XRRA1: variants seen among roughly 807,000 people sequenced by gnomAD.
The protein encoded by XRRA1 is X-ray radiation resistance-associated protein 1.
Under a neutral mutation model 80.2 loss-of-function variants are expected in XRRA1, and 69 were observed. The observed-to-expected ratio is 0.86, with a 90% confidence interval of 0.71 to 1.05. The LOEUF is 1.05. Among genes scored for constraint, XRRA1 ranks in the 50% least tolerant of loss-of-function variants. XRRA1 has a pLI of 0.00. For synonymous variants in XRRA1, 348 were observed against 389.9 expected, an observed-to-expected ratio of 0.89 and a Z score of 1.27; for missense variants, 967 against 976.4, an observed-to-expected ratio of 0.99 and a Z score of 0.13.
chr11:74,882,124 C>G (rs2047787153), intron 10 of XRRA1, among the ~76,000 whole-genome samples: 1 of 152,092 alleles, frequency 6.6e-6, no homozygotes, highest in Non-Finnish European at 1.5e-5. Context: ...GTTCCATTCT[C>G]CCCATCACTT....
At chr11:74,900,580 C>A (rs1204043652) in intron 10 of XRRA1, among the ~76,000 whole-genome samples, 1 of 137,438 alleles carries the variant, frequency 7.3e-6, no homozygotes, top group Non-Finnish European at 1.6e-5. Context: ...GAAACTCCAT[C>A]TCAAGAAAAA....
intron 8 of XRRA1, among the ~76,000 whole-genome samples, chr11:74,907,988 T>C (rs2055013338): frequency 6.6e-6 from 1 of 152,174 alleles, no homozygotes; most frequent in Non-Finnish European, 1.5e-5. Context: ...TCCAGGTAGA[T>C]GAGACCTAGG....
chr11:74,859,015 A>G, intron 12 of XRRA1, 143 bp downstream of exon 12: 1 of 1,190,388 alleles, frequency 8.4e-7, no homozygotes, highest in East Asian at 3.1e-5. Flanking sequence ...AACTCCTTCC[A>G]CTTTCCCCAC....
chr11:74,946,412 G>T (rs1386257435), intron 1 of XRRA1, among the ~76,000 whole-genome samples: 1 of 152,194 alleles, frequency 6.6e-6, no homozygotes, highest in Non-Finnish European at 1.5e-5. Context: ...CATAGTGAGT[G>T]AGCTCTCACG....
intron 10 of XRRA1, among the ~76,000 whole-genome samples, chr11:74,900,749 TCAA>T (rs1235215635): frequency 1.3e-5 from 2 of 152,178 alleles, no homozygotes; most frequent in Non-Finnish European, 2.9e-5. Flanking sequence ...TTGATATAGT[TCAA>T]CATCCCTTCA....
chr11:74,859,071 T>C lies in XRRA1; in HGVS notation c.1170+87A>G, dbSNP rs1255006870. On this transcript the variant is annotated intron_variant, in intron 12 of 18. Coordinates refer to ENST00000684022, the MANE Select transcript of XRRA1 (RefSeq NM_001378157.1). ...TGTACCTGTAATGCAGGGAATTGAATGGAGGGTTGGTTTTTAGGCCAGAGC... is the reference window on the plus strand; with the variant it reads ...TGTACCTGTAATGCAGGGAATTGAACGGAGGGTTGGTTTTTAGGCCAGAGC... 7 of 1,441,938 alleles carry C rather than the reference T, an allele frequency of 4.9e-6. No individual in the cohort carries two copies. The East Asian group carries it at 1.6e-4, about 33-fold the overall frequency. 89.3% of individuals were successfully genotyped at this position (1,441,938 alleles called of 1,614,324 possible).
chr11:74,887,632 C>T (rs1044508918), intron 10 of XRRA1, among the ~76,000 whole-genome samples: 11 of 152,198 alleles, frequency 7.2e-5, no homozygotes, highest in Non-Finnish European at 1.5e-4. Context: ...GGCATTGCCT[C>T]ACCCAGGTAG....
chr11:74,882,006 G>GAGT (rs1269548298), intron 10 of XRRA1, among the ~76,000 whole-genome samples: 16 of 143,304 alleles, frequency 1.1e-4, no homozygotes. Context: ...TCTTCTCAAG[G>GAGT]AGTATCTTTG....
At chr11:74,939,382 C>T (rs529288371) in intron 3 of XRRA1, among the ~76,000 whole-genome samples, 118 of 152,162 alleles carry the variant, frequency 7.8e-4, no homozygotes, top group African/African-American at 2.7e-3. Flanking sequence ...TATTTTGTTT[C>T]CCCCCACATA....
intron 10 of XRRA1, among the ~76,000 whole-genome samples, chr11:74,881,286 C>T (rs940298480): frequency 2.0e-5 from 3 of 151,196 alleles, no homozygotes; most frequent in Non-Finnish European, 2.9e-5. Flanking sequence ...GATTGCAACC[C>T]CTGCCTTTTT....
chr11:74,939,246 G>T (rs1160823776), intron 3 of XRRA1, among the ~76,000 whole-genome samples: 2 of 152,192 alleles, frequency 1.3e-5, no homozygotes, highest in African/African-American at 4.8e-5. Flanking sequence ...CAACTACTCA[G>T]GAGGCTGGGG....
At chr11:74,857,380 CA>C (rs61112350) in intron 12 of XRRA1, among the ~76,000 whole-genome samples, 38,421 of 143,918 alleles carry the variant, frequency 0.27, 6,624 homozygotes, top group African/African-American at 0.5. Flanking sequence ...TGATTAGAGG[CA>C]AAAAAAAAAG....
intron 15 of XRRA1, chr11:74,846,059 G>A (rs1349071531): frequency 6.6e-6 from 1 of 152,118 alleles, no homozygotes; most frequent in Non-Finnish European, 1.5e-5. Flanking sequence ...CCTCCCAGGA[G>A]TGGGAGACCA....
chr11:74,842,111 G>A lies in XRRA1; in HGVS notation c.*1089C>T, dbSNP rs1477677123. ...CCCTCCTGCCTAGAAAATAGGTTGTGTATTGGTTTTATTCAACCTGCTGTC... is the reference window on the plus strand; with the variant it reads ...CCCTCCTGCCTAGAAAATAGGTTGTATATTGGTTTTATTCAACCTGCTGTC... On this transcript the variant is annotated 3_prime_UTR_variant, in exon 19 of 19. Coordinates refer to ENST00000684022, the MANE Select transcript of XRRA1 (RefSeq NM_001378157.1). 2.6e-5 allele frequency: 4 copies of A among 151,974 alleles called. No homozygotes were observed. The highest frequency in any genetic ancestry group is 9.7e-5 in the African/African-American group (4 of 41,356). The allele number at this position is 151,974 out of a possible 1,614,324, so 9.4% of individuals were successfully genotyped here.
At position 74,906,244 on chromosome 11, in the gene XRRA1, C is replaced by T. The variant is rs757044769; in HGVS notation, c.998G>A (p.Arg333Gln). 30 of 1,613,376 alleles carry T rather than the reference C, an allele frequency of 1.9e-5. No homozygotes were observed. In the East Asian group the frequency reaches 5.6e-4, roughly 30 times the overall value. Residue 333 changes from arginine to glutamine, a missense_variant, in exon 10 of 19, where the codon CGG becomes CAG. Physicochemically the swap from Arg to Gln is conservative, Grantham distance 43. Coordinates refer to ENST00000684022, the MANE Select transcript of XRRA1 (RefSeq NM_001378157.1). The part of the protein sequence containing the change: ...TVLPMKKDVD[R>Q]TEVVFSSYPG... The stretch of plus-strand genomic sequence containing the variant: ...GGACAAGGGGTGTCACTCACCTGTC[C>T]GGTCAACATCCTTTTTCATGGGCAG...
intron 10 of XRRA1, among the ~76,000 whole-genome samples, chr11:74,897,706 T>TAA (rs61193896): frequency 0.33 from 27,725 of 83,956 alleles, 3,955 homozygotes; most frequent in East Asian, 0.58. Flanking sequence ...TTTAAACTGC[T>TAA]AAAAAAAAAA....
intron 2 of XRRA1, among the ~76,000 whole-genome samples, chr11:74,942,973 G>A (rs1298798336): frequency 6.6e-6 from 1 of 152,256 alleles, no homozygotes; most frequent in Non-Finnish European, 1.5e-5. Flanking sequence ...AGGGCACCCA[G>A]CATCCAGGGG....
rs538738745 is a variant in XRRA1, at chr11:74,921,277, C to T, written c.593G>A (p.Arg198His). The T allele has an allele frequency of 5.6e-5, 91 of 1,613,780 alleles. No homozygotes were observed. Among genetic ancestry groups the T allele is most frequent in the Non-Finnish European group, 6.4e-5 (76 of 1,179,874 alleles). Residue 198 changes from arginine to histidine, a missense_variant, in exon 8 of 19, where the codon CGT becomes CAT. Transcript: ENST00000684022. ...ICDLGILPHL[R>H]VLLLTGNGLT... ...GCCATTGCCTGTGAGGAGCAGGACA[C>T]GGAGGTGTGGCAGAATCCCCAAATC...
At chr11:74,927,625 A>G (rs1942581928) in intron 6 of XRRA1, 137 bp from the exon 7 acceptor site, 1 of 510,962 alleles carries the variant, frequency 2.0e-6, no homozygotes, top group Non-Finnish European at 3.4e-6. Flanking sequence ...TGGCCTCTAA[A>G]TCTCTAACAA....
Sources: gnomAD v4.1 joint callset for allele counts (sites outside exome capture counted in the v4.1 genomes callset) on GRCh38, gnomAD v4.1.1 for gene constraint, MANE v1.5 for transcripts, NCBI Gene and HGNC (gene_info 2026-07-23, HGNC 2026-07-21) for gene names.